BRD4: variants seen among roughly 807,000 people sequenced by gnomAD.
The protein encoded by BRD4 is bromodomain-containing protein 4.
BRD4 carries 16 observed loss-of-function variants against 142.1 expected under a neutral mutation model. That is an observed-to-expected ratio of 0.11 (90% CI 0.08 to 0.17). BRD4 has a LOEUF of 0.17. BRD4 is among the 10% of genes least tolerant of loss of function. BRD4 has a pLI of 1.00. For synonymous variants in BRD4, 833 were observed against 707.5 expected, an observed-to-expected ratio of 1.18 and a Z score of -2.82; for missense variants, 1,424 against 1,810.9, an observed-to-expected ratio of 0.79 and a Z score of 3.88.
chr19:15,273,257 G>A (rs779199067), intron 1 of BRD4, 124 bp from the exon 2 acceptor site: 15 of 951,448 alleles, frequency 1.6e-5, no homozygotes, highest in Non-Finnish European at 2.3e-5. Context: ...AGCCAAGTTG[G>A]CCAGAGGGAC....
chr19:15,317,802 G>A (rs528558531), intron 1 of BRD4, among the ~76,000 whole-genome samples: 18 of 152,150 alleles, frequency 1.2e-4, no homozygotes, highest in Non-Finnish European at 2.4e-4. Context: ...TAGAGAGACC[G>A]CTCTAACACT....
At chr19:15,262,524 T>TAAAA (rs559468375) in intron 7 of BRD4, among the ~76,000 whole-genome samples, 4 of 97,796 alleles carry the variant, frequency 4.1e-5, no homozygotes, top group Non-Finnish European at 6.5e-5. Context: ...CCCATCTCTT[T>TAAAA]AAAAAAAAAA....
chr19:15,263,498 G>A lies in BRD4; in HGVS notation c.1263C>T (p.Asp421=), dbSNP rs200519307. Residue 421 remains aspartate, a synonymous_variant, in exon 7 of 20, where the codon GAC becomes GAT. Coordinates refer to ENST00000679869, the MANE Select transcript of BRD4 (RefSeq NM_001379291.1). The part of the protein sequence containing the change: ...EYRDAQEFGA[D]VRLMFSNCYK... Reference sequence around the variant, plus strand: ...AGCAGTTGGAGAACATCAATCGGACGTCAGCACCAAACTCCTGAGCATCAC... The same window carrying A: ...AGCAGTTGGAGAACATCAATCGGACATCAGCACCAAACTCCTGAGCATCAC... 20 of 1,614,210 alleles carry A rather than the reference G, an allele frequency of 1.2e-5. No homozygotes were observed. In the South Asian group the frequency reaches 1.4e-4, roughly 12 times the overall value.
At chr19:15,305,788 A>G (rs566357743) in intron 1 of BRD4, among the ~76,000 whole-genome samples, 21 of 152,374 alleles carry the variant, frequency 1.4e-4, no homozygotes, top group African/African-American at 4.6e-4. Flanking sequence ...ATAAAAGCCT[A>G]GATGGCATTT....
At chr19:15,252,329 C>T (rs2047356686) in intron 11 of BRD4, among the ~76,000 whole-genome samples, 1 of 152,224 alleles carries the variant, frequency 6.6e-6, no homozygotes, top group African/African-American at 2.4e-5. Context: ...AATCAGGTCC[C>T]CTGACAATTT....
chr19:15,277,323 C>T (rs2047658239), intron 1 of BRD4, among the ~76,000 whole-genome samples: 1 of 152,186 alleles, frequency 6.6e-6, no homozygotes, highest in Admixed American at 6.5e-5. Context: ...TTAGACAATG[C>T]TGTAGTTCCC....
intron 7 of BRD4, among the ~76,000 whole-genome samples, chr19:15,260,867 G>A (rs2047462275): frequency 6.6e-6 from 1 of 152,014 alleles, no homozygotes; most frequent in South Asian, 2.1e-4. Flanking sequence ...AAAGGAGGTG[G>A]CTCCAGGGTG....
intron 1 of BRD4, among the ~76,000 whole-genome samples, chr19:15,324,008 G>A (rs761694988): frequency 6.6e-6 from 1 of 152,178 alleles, no homozygotes; most frequent in Non-Finnish European, 1.5e-5. Context: ...TGAGGCTTAT[G>A]GAGACGATGT....
chr19:15,316,265 C>T (rs1455833367), intron 1 of BRD4, among the ~76,000 whole-genome samples: 1 of 151,296 alleles, frequency 6.6e-6, no homozygotes, highest in African/African-American at 2.4e-5. Flanking sequence ...ACTAAAGACA[C>T]ACTCCAGTTT....
chr19:15,331,318 G>A (rs1254031416), intron 1 of BRD4, among the ~76,000 whole-genome samples: 1 of 152,224 alleles, frequency 6.6e-6, no homozygotes, highest in Non-Finnish European at 1.5e-5. Flanking sequence ...GGGCATCTCA[G>A]CCGAGTGAAG....
At chr19:15,290,385 A>T (rs1347847462) in intron 1 of BRD4, among the ~76,000 whole-genome samples, 1 of 152,202 alleles carries the variant, frequency 6.6e-6, no homozygotes, top group African/African-American at 2.4e-5. Context: ...AGAAAACAGA[A>T]ATAGAATTTG....
chr19:15,299,935 CAA>C lies in BRD4; in HGVS notation c.-34-26804_-34-26803del, dbSNP rs1341793650. On this transcript the variant is annotated intron_variant, in intron 1 of 19. Coordinates refer to ENST00000679869, the MANE Select transcript of BRD4 (RefSeq NM_001379291.1). ...GTATGAAGAGCTGCCTCTCCATCTA[CAA>C]AGAGAATCCCTTGGAGTTTGCACCT... is the stretch of plus-strand genomic sequence containing the variant. Among the ~76,000 whole-genome samples the C allele has an allele frequency of 3.3e-5, 5 of 152,322 alleles. No individual in the cohort carries two copies. In the East Asian group the frequency reaches 9.6e-4, roughly 29 times the overall value.
At chr19:15,251,971 G>A (rs866691982) in intron 11 of BRD4, among the ~76,000 whole-genome samples, 18 of 152,238 alleles carry the variant, frequency 1.2e-4, no homozygotes, top group African/African-American at 3.6e-4. Context: ...GGGAGCCAGC[G>A]GCTCTGAGAC....
At chr19:15,273,328 G>C (rs2047610601) in intron 1 of BRD4, among the ~76,000 whole-genome samples, 195 bp from the exon 2 acceptor site, 1 of 152,190 alleles carries the variant, frequency 6.6e-6, no homozygotes, top group Non-Finnish European at 1.5e-5. Flanking sequence ...TTACCCTCCA[G>C]CAGGGAGGAG....
At chr19:15,281,500 C>T (rs982248493) in intron 1 of BRD4, among the ~76,000 whole-genome samples, 2 of 152,140 alleles carry the variant, frequency 1.3e-5, no homozygotes, top group African/African-American at 4.8e-5. Context: ...CATCAGCAGG[C>T]TAATTAAACT....
intron 1 of BRD4, among the ~76,000 whole-genome samples, chr19:15,292,560 C>T (rs62113846): frequency 1.3e-5 from 2 of 151,972 alleles, no homozygotes; most frequent in African/African-American, 2.4e-5. Flanking sequence ...GGGCGGATCA[C>T]GAGGTCAGGA....
At chr19:15,318,400 G>C (rs535013981) in intron 1 of BRD4, among the ~76,000 whole-genome samples, 1 of 152,096 alleles carries the variant, frequency 6.6e-6, no homozygotes, top group South Asian at 2.1e-4. Flanking sequence ...AATTATTCAA[G>C]TTTATGGTAT....
intron 1 of BRD4, among the ~76,000 whole-genome samples, chr19:15,297,296 A>G (rs2047831335): frequency 6.6e-6 from 1 of 152,190 alleles, no homozygotes; most frequent in Admixed American, 6.5e-5. Context: ...CACAGACTGC[A>G]GAGCCTTCCA....
chr19:15,276,652 C>G (rs2047649913), intron 1 of BRD4, among the ~76,000 whole-genome samples: 1 of 152,146 alleles, frequency 6.6e-6, no homozygotes, highest in South Asian at 2.1e-4. Flanking sequence ...CCTTAGTGAC[C>G]ATACCCACAT....
Sources: gnomAD v4.1 joint callset for allele counts (sites outside exome capture counted in the v4.1 genomes callset) on GRCh38, gnomAD v4.1.1 for gene constraint, MANE v1.5 for transcripts, NCBI Gene and HGNC (gene_info 2026-07-23, HGNC 2026-07-21) for gene names.